Variants in PACSIN1 observed in about 807,000 individuals in gnomAD.
PACSIN1 encodes protein kinase C and casein kinase substrate in neurons protein 1.
In PACSIN1, 15 loss-of-function variants were observed where a neutral mutation model predicts 59.5. The observed-to-expected ratio is 0.25, with a 90% CI of 0.17 to 0.39. The LOEUF is 0.39. Ranked by LOEUF, PACSIN1 falls within the 10% of genes least tolerant of loss-of-function variation. The probability of loss-of-function intolerance (pLI) is 1.00; values close to 1 mark genes in which losing one functional copy is unlikely to be tolerated. For synonymous variants in PACSIN1, 210 were observed against 220.6 expected (o/e 0.95, Z 0.42); for missense variants, 420 against 580.2 (o/e 0.72, Z 2.84).
At chr6:34,475,328 C>T (rs1232053797) in intron 1 of PACSIN1, among the ~76,000 whole-genome samples, 2 of 152,220 alleles carry the variant, frequency 1.3e-5, no homozygotes, top group Admixed American at 6.5e-5. Flanking sequence ...TAAAAAAACA[C>T]ATATTTGTGC....
At chr6:34,470,644 G>A (rs959433742) in intron 1 of PACSIN1, among the ~76,000 whole-genome samples, 1 of 151,920 alleles carries the variant, frequency 6.6e-6, no homozygotes, top group African/African-American at 2.4e-5. Flanking sequence ...CTCCTGAGTA[G>A]CTGAGTGCTA....
intron 1 of PACSIN1, among the ~76,000 whole-genome samples, chr6:34,486,590 A>G (rs558258837): frequency 1.2e-3 from 186 of 152,266 alleles, no homozygotes; most frequent in African/African-American, 4.0e-3. Flanking sequence ...CAAAAAGGTG[A>G]CGTTGCCATC....
At chr6:34,506,978 AG>A (rs1458580809) in intron 1 of PACSIN1, among the ~76,000 whole-genome samples, 1 of 152,054 alleles carries the variant, frequency 6.6e-6, no homozygotes, top group East Asian at 1.9e-4. Context: ...CTTTCCTCAC[AG>A]GGGAGCATGG....
intron 3 of PACSIN1, 124 bp downstream of exon 3, chr6:34,527,612 C>A: frequency 1.2e-6 from 1 of 842,826 alleles, no homozygotes; most frequent in Non-Finnish European, 1.7e-6. Flanking sequence ...AGGACATTTT[C>A]AGGCGCTGTT....
chr6:34,529,302 G>C lies in PACSIN1; in HGVS notation c.457-95G>C, dbSNP rs75017364. 31,193 of 1,350,580 alleles carry C rather than the reference G, an allele frequency of 0.023. 1,091 individuals are homozygous for C. Among genetic ancestry groups the C allele is most frequent in the East Asian group, 0.12 (5,012 of 42,300 alleles). 83.7% of individuals were successfully genotyped at this position (1,350,580 alleles called of 1,614,324 possible). On this transcript the variant is annotated intron_variant, in intron 4 of 9. Transcript: ENST00000244458. This position sits in a 1 kb window ranked among gnomAD's most constrained non-coding sequence, Gnocchi z 6.3. The stretch of plus-strand genomic sequence containing the variant: ...GGCTCTTAAGAGTGTGGGCTCACAG[G>C]TCCCAGGGAGTGGGCAGGGGAGGAG...
chr6:34,531,639 G>A lies in PACSIN1; in HGVS notation c.1077G>A (p.Glu359=). The change falls in exon 9 of 10, where the codon GAG becomes GAA. Residue 359 remains glutamate (E), a synonymous_variant. Transcript: ENST00000244458. The surrounding 1 kb of genome is among the most constrained non-coding windows in gnomAD (Gnocchi z 4.4). ...ACAGAGGCCAGCCCTACGCCACCGA[G>A]TGGTCAGACGACGAGAGTGGGAACC... ...SYDRGQPYAT[E]WSDDESGNPF... The A allele has an allele frequency of 3.7e-6, 6 of 1,614,018 alleles. No individual in the cohort carries two copies. In the South Asian group the frequency reaches 6.6e-5, roughly 18 times the overall value.
intron 1 of PACSIN1, among the ~76,000 whole-genome samples, chr6:34,495,429 T>C (rs990131195): frequency 6.6e-6 from 1 of 151,404 alleles, no homozygotes; most frequent in Non-Finnish European, 1.5e-5. Flanking sequence ...AATCAGAATC[T>C]CCAACGTGGG....
At chr6:34,483,753 C>T (rs1318913494) in intron 1 of PACSIN1, among the ~76,000 whole-genome samples, 2 of 149,866 alleles carry the variant, frequency 1.3e-5, no homozygotes, top group African/African-American at 4.9e-5. Context: ...TCACATGATT[C>T]TCCTGCCTCA....
At chr6:34,480,011 A>T (rs1766692503) in intron 1 of PACSIN1, among the ~76,000 whole-genome samples, 2 of 151,540 alleles carry the variant, frequency 1.3e-5, no homozygotes, top group South Asian at 4.2e-4. Flanking sequence ...TTTTTAATGG[A>T]GACGGGGTTT....
intron 1 of PACSIN1, among the ~76,000 whole-genome samples, chr6:34,509,238 A>G (rs1012460991): frequency 1.3e-5 from 2 of 152,220 alleles, no homozygotes; most frequent in African/African-American, 4.8e-5. Flanking sequence ...TGTAGAAAGC[A>G]GTTTTCCCAT....
In PACSIN1 at chr6:34,488,129, C is replaced by T. The variant is rs920966683; in HGVS notation, c.-64+21859C>T. Among the ~76,000 whole-genome samples the T allele has an allele frequency of 6.6e-6, 1 of 152,142 alleles. No homozygotes were observed. Among genetic ancestry groups the T allele is most frequent in the African/African-American group, 2.4e-5 (1 of 41,420 alleles). On this transcript the variant is annotated intron_variant, in intron 1 of 9. Transcript: ENST00000244458. This position sits in a 1 kb window ranked among gnomAD's most constrained non-coding sequence, Gnocchi z 4.7. ...GCACCTCTGTTGGTCTGGGTGGCTT[C>T]CCTTTTGAGGGGACCTGGCCCCTCA...
At chr6:34,511,556 C>T (rs572176507) in intron 1 of PACSIN1, among the ~76,000 whole-genome samples, 3 of 152,294 alleles carry the variant, frequency 2.0e-5, no homozygotes, top group East Asian at 1.9e-4. Flanking sequence ...GCTCCTCCTC[C>T]GGGTGCCTGC....
chr6:34,529,382 C>T lies in PACSIN1; in HGVS notation c.457-15C>T, dbSNP rs758558850. The T allele has an allele frequency of 2.5e-6, 4 of 1,604,754 alleles. No individual in the cohort carries two copies. In the Admixed American group the frequency reaches 5.1e-5, roughly 20 times the overall value. ...ACAAATGAAAACCCTACTCCCTATT[C>T]CCCCCTCCCCACAGCTGGAGGCAGC... is the stretch of plus-strand genomic sequence containing the variant. On this transcript the variant is annotated splice_polypyrimidine_tract_variant and intron_variant, in intron 4 of 9. Coordinates refer to ENST00000244458, the MANE Select transcript of PACSIN1 (RefSeq NM_020804.5). The surrounding 1 kb of genome is among the most constrained non-coding windows in gnomAD (Gnocchi z 6.3).
intron 1 of PACSIN1, among the ~76,000 whole-genome samples, chr6:34,498,601 C>A (rs181439672): frequency 6.6e-6 from 1 of 151,792 alleles, no homozygotes; most frequent in Admixed American, 6.6e-5. Flanking sequence ...AGTTTAAGAC[C>A]AGTCTGGGCA....
intron 1 of PACSIN1, among the ~76,000 whole-genome samples, chr6:34,522,463 C>A (rs993740154): frequency 4.6e-5 from 7 of 152,090 alleles, no homozygotes; most frequent in African/African-American, 1.7e-4. Flanking sequence ...GGATCCAGAC[C>A]CTGGGCTCAA....
intron 1 of PACSIN1, among the ~76,000 whole-genome samples, chr6:34,467,242 G>GC (rs1766509069): frequency 1.3e-5 from 2 of 152,228 alleles, no homozygotes; most frequent in South Asian, 4.1e-4. Flanking sequence ...TGAGATCCTT[G>GC]CCCCCTGCCC....
At chr6:34,504,638 C>T (rs1581972449) in intron 1 of PACSIN1, among the ~76,000 whole-genome samples, 1 of 152,200 alleles carries the variant, frequency 6.6e-6, no homozygotes, top group East Asian at 1.9e-4. Flanking sequence ...TTGGAAAGCT[C>T]AAGAGAAGGA....
intron 1 of PACSIN1, among the ~76,000 whole-genome samples, chr6:34,512,064 T>C (rs1767211654): frequency 6.6e-6 from 1 of 151,974 alleles, no homozygotes; most frequent in Admixed American, 6.5e-5. Flanking sequence ...TGTGCATGTG[T>C]GTGTGTATGT....
At chr6:34,477,507 G>C (rs556223351) in intron 1 of PACSIN1, among the ~76,000 whole-genome samples, 15 of 152,248 alleles carry the variant, frequency 9.9e-5, no homozygotes, top group Admixed American at 9.8e-4. Context: ...TGGGGGACCA[G>C]GGGCACAGAA....
Sources: allele counts gnomAD v4.1 joint callset (sites outside exome capture counted in the v4.1 genomes callset), GRCh38; gene constraint gnomAD v4.1.1; non-coding constraint Gnocchi (gnomAD v3.1); transcripts MANE v1.5; gene names NCBI Gene and HGNC (gene_info 2026-07-23, HGNC 2026-07-21).